Variants in KAZN observed in about 807,000 individuals in gnomAD.
KAZN encodes the protein kazrin, periplakin interacting protein.
In KAZN, 40 loss-of-function variants were observed where a neutral mutation model predicts 87.4. That is an observed-to-expected ratio of 0.46 (90% CI 0.36 to 0.60). The LOEUF is 0.60. Among genes scored for constraint, KAZN ranks in the 20% least tolerant of loss-of-function variants. KAZN has a pLI of 0.00. For missense variants in KAZN, 898 were observed against 1,073.9 expected (o/e 0.84, Z 2.29); for synonymous variants, 466 against 458.3 (o/e 1.02, Z -0.22).
intron 1 of KAZN, among the ~76,000 whole-genome samples, chr1:14,883,320 G>GAAAGAAAGAA (rs1342501522): frequency 2.7e-5 from 1 of 37,328 alleles, no homozygotes; most frequent in African/African-American, 6.8e-5. Context: ...AAGAAAGAAA[G>GAAAGAAAGAA]AGAGAGAGAG....
intron 1 of KAZN, among the ~76,000 whole-genome samples, chr1:14,852,238 G>A (rs924897343): frequency 2.6e-5 from 4 of 152,200 alleles, no homozygotes; most frequent in African/African-American, 9.7e-5. Flanking sequence ...GTTTGCATTT[G>A]AGAGTTGGGC....
At chr1:15,046,172 C>T (rs1673479825) in intron 4 of KAZN, among the ~76,000 whole-genome samples, 1 of 151,946 alleles carries the variant, frequency 6.6e-6, no homozygotes, top group Non-Finnish European at 1.5e-5. Context: ...GCGGTGGATG[C>T]CTGTAATCCC....
chr1:15,020,183 T>C (rs1252904134), intron 2 of KAZN, among the ~76,000 whole-genome samples: 2 of 152,168 alleles, frequency 1.3e-5, no homozygotes, highest in African/African-American at 2.4e-5. Flanking sequence ...TGATACAAGC[T>C]GGGTTACCGC....
At chr1:14,954,603 G>GT (rs1662864122) in intron 1 of KAZN, among the ~76,000 whole-genome samples, 2 of 152,298 alleles carry the variant, frequency 1.3e-5, no homozygotes, top group Admixed American at 1.3e-4. Context: ...AGCCACGTGG[G>GT]TGCACGTGAA....
At chr1:14,883,451 C>G (rs374640237) in intron 1 of KAZN, among the ~76,000 whole-genome samples, 125 of 147,050 alleles carry the variant, frequency 8.5e-4, no homozygotes, top group African/African-American at 3.3e-3. Flanking sequence ...TCTTCTGTTG[C>G]AGGGTGCAGG....
intron 2 of KAZN, among the ~76,000 whole-genome samples, chr1:14,185,240 G>A (rs1231203498): frequency 6.6e-6 from 1 of 152,160 alleles, no homozygotes; most frequent in Non-Finnish European, 1.5e-5. Context: ...CTCTTCCTTA[G>A]CAAGCAGGGA....
chr1:15,007,111 A>C (rs1322652048), intron 2 of KAZN, among the ~76,000 whole-genome samples: 2 of 151,344 alleles, frequency 1.3e-5, no homozygotes, highest in South Asian at 4.2e-4. Context: ...GGATTGATTG[A>C]TGATACTCAT....
At chr1:14,931,025 G>C (rs1037232439) in intron 1 of KAZN, among the ~76,000 whole-genome samples, 1 of 152,188 alleles carries the variant, frequency 6.6e-6, no homozygotes, top group African/African-American at 2.4e-5. Flanking sequence ...ACCTCTGCAG[G>C]GATGGGGTGA....
intron 1 of KAZN, among the ~76,000 whole-genome samples, chr1:13,990,995 G>A (rs376208090): frequency 8.6e-5 from 13 of 151,592 alleles, no homozygotes; most frequent in African/African-American, 2.4e-4. Context: ...TTATTTTTCC[G>A]AGCTCTGTGG....
rs804129 is a variant in KAZN at position 14,856,813 on chromosome 1, T to C, written c.227-103871T>C. 0.65 allele frequency among the ~76,000 whole-genome samples: 98,351 copies of C among 152,070 alleles called. 31,965 individuals carry two copies. The highest frequency in any genetic ancestry group is 0.68 in the African/African-American group (28,214 of 41,478). ...CCGGGCTGTTGCAGAGAGTTTGCAA[T>C]TCAATCGGAACTCAGACTTTTTTCC... On this transcript the variant is annotated intron_variant, in intron 1 of 14. Transcript: ENST00000376030. The surrounding 1 kb of genome is among the most constrained non-coding windows in gnomAD (Gnocchi z 5.2).
chr1:14,822,833 C>T (rs544418991), intron 1 of KAZN, among the ~76,000 whole-genome samples: 3 of 152,228 alleles, frequency 2.0e-5, no homozygotes, highest in Admixed American at 2.0e-4. Flanking sequence ...GAAGACAGGG[C>T]TGCATCTAAT....
chr1:15,104,926 T>C (rs1557802705), intron 13 of KAZN, among the ~76,000 whole-genome samples: 1 of 152,230 alleles, frequency 6.6e-6, no homozygotes, highest in Non-Finnish European at 1.5e-5. Context: ...AATCCTAGAT[T>C]TGTCCTTTAT....
At chr1:14,533,858 C>T (rs898076452) in intron 2 of KAZN, among the ~76,000 whole-genome samples, 4 of 152,296 alleles carry the variant, frequency 2.6e-5, no homozygotes, top group South Asian at 4.1e-4. Context: ...AATTCTTTGA[C>T]CTGTCTGCTC....
At chr1:15,026,462 C>T (rs6693853) in intron 2 of KAZN, among the ~76,000 whole-genome samples, 79,142 of 151,954 alleles carry the variant, frequency 0.52, 20,951 homozygotes, top group African/African-American at 0.61. Flanking sequence ...AGGAAGCTCA[C>T]AGACTCCAAC....
intron 2 of KAZN, among the ~76,000 whole-genome samples, chr1:14,551,820 T>C (rs1186941169): frequency 6.6e-6 from 1 of 152,114 alleles, no homozygotes; most frequent in Non-Finnish European, 1.5e-5. Flanking sequence ...GTAGTATCGG[T>C]ATAATCCACA....
At chr1:14,520,610 G>A (rs1001111851) in intron 2 of KAZN, among the ~76,000 whole-genome samples, 2 of 152,210 alleles carry the variant, frequency 1.3e-5, no homozygotes, top group African/African-American at 4.8e-5. Context: ...TGGGGGCAGA[G>A]GCTCTGAGGA....
intron 1 of KAZN, among the ~76,000 whole-genome samples, chr1:14,088,789 G>T (rs554161231): frequency 3.3e-5 from 5 of 151,742 alleles, no homozygotes; most frequent in African/African-American, 1.2e-4. Context: ...ATCATTTATT[G>T]TTTCATATAC....
chr1:14,106,544 C>T (rs1466817713), intron 1 of KAZN, among the ~76,000 whole-genome samples: 1 of 152,130 alleles, frequency 6.6e-6, no homozygotes, highest in Admixed American at 6.5e-5. Flanking sequence ...CCAAAGGGCT[C>T]AGCTCCCAAG....
chr1:14,678,547 C>T (rs1037480911), intron 1 of KAZN, among the ~76,000 whole-genome samples: 2 of 152,164 alleles, frequency 1.3e-5, no homozygotes, highest in African/African-American at 4.8e-5. Flanking sequence ...TGAGTCAATT[C>T]TCCTTAATAA....
Sources: allele counts gnomAD v4.1 joint callset (sites outside exome capture counted in the v4.1 genomes callset), GRCh38; gene constraint gnomAD v4.1.1; non-coding constraint Gnocchi (gnomAD v3.1); transcripts MANE v1.5; gene names NCBI Gene and HGNC (gene_info 2026-07-23, HGNC 2026-07-21).